CDK7: variants seen among roughly 807,000 people sequenced by gnomAD.
The protein encoded by CDK7 is cyclin dependent kinase 7, also known as cyclin-dependent kinase 7.
In CDK7, 25 loss-of-function variants were observed where a neutral mutation model predicts 49.1. The observed-to-expected ratio is 0.51, with a 90% CI of 0.37 to 0.71. CDK7 has a LOEUF of 0.71. CDK7 is among the 30% of genes least tolerant of loss of function. The probability of loss-of-function intolerance (pLI) is 0.00; values close to 1 mark genes in which losing one functional copy is unlikely to be tolerated. For synonymous variants in CDK7, 107 were observed against 140.0 expected (o/e 0.76, Z 1.67); for missense variants, 316 against 411.7 (o/e 0.77, Z 2.01).
intron 8 of CDK7, among the ~76,000 whole-genome samples, chr5:69,268,776 C>A (rs909902421): frequency 2.8e-5 from 4 of 141,368 alleles, no homozygotes; most frequent in Non-Finnish European, 6.1e-5. Flanking sequence ...TGACCTGAAC[C>A]CAGGAGGCGG....
At chr5:69,256,991 T>C (rs1750533824) in intron 5 of CDK7, among the ~76,000 whole-genome samples, 1 of 152,194 alleles carries the variant, frequency 6.6e-6, no homozygotes, top group Non-Finnish European at 1.5e-5. Context: ...ACTGAAATAC[T>C]ACTCAGGAAT....
At chr5:69,276,975 A>C (rs1161046297) in intron 11 of CDK7, 132 bp from the exon 12 acceptor site, 5 of 761,508 alleles carry the variant, frequency 6.6e-6, no homozygotes, top group East Asian at 2.6e-5. Context: ...AATGTTTAAC[A>C]AGTGCTACTG....
intron 2 of CDK7, among the ~76,000 whole-genome samples, chr5:69,241,541 G>C (rs938183208): frequency 6.6e-6 from 1 of 151,744 alleles, no homozygotes; most frequent in Non-Finnish European, 1.5e-5. Flanking sequence ...GGCCAGGCTG[G>C]TCTCGAACTC....
chr5:69,258,234 T>C, intron 6 of CDK7, 81 bp downstream of exon 6: 2 of 618,222 alleles, frequency 3.2e-6, no homozygotes, highest in South Asian at 4.2e-5. Flanking sequence ...AATATGTAAA[T>C]TGTTTAACAA....
chr5:69,238,732 C>T (rs1749175897), intron 2 of CDK7, among the ~76,000 whole-genome samples: 1 of 151,176 alleles, frequency 6.6e-6, no homozygotes, highest in Non-Finnish European at 1.5e-5. Context: ...TCTCGGCTCA[C>T]TGCAACCTCC....
chr5:69,245,995 G>A lies in CDK7; in HGVS notation c.127-6423G>A, dbSNP rs144409610. 1.1e-4 allele frequency among the ~76,000 whole-genome samples: 17 copies of A among 152,124 alleles called. No homozygotes were observed. In the East Asian group the frequency reaches 3.3e-3, roughly 29 times the overall value. On this transcript the variant is annotated intron_variant, in intron 2 of 11. Transcript: ENST00000256443. ...TTTTTAGTGGTCAGGGTTTTTATTG[G>A]GACTGGTCATGCAGGCATTTTCTGC...
rs1023141161 is a variant in CDK7 at position 69,275,590 on chromosome 5, C to T, written c.865-953C>T. Among the ~76,000 whole-genome samples, 12 of 152,222 alleles carry T rather than the reference C, an allele frequency of 7.9e-5. No individual in the cohort carries two copies. The East Asian group carries it at 1.9e-3, about 24-fold the overall frequency. On this transcript the variant is annotated intron_variant, in intron 10 of 11. Transcript: ENST00000256443. Reference sequence around the variant, plus strand: ...AGCTTTTTGAATGATGACGTGATGCCACAAGTGGAAAATTCTACACATAAG... The same window carrying T: ...AGCTTTTTGAATGATGACGTGATGCTACAAGTGGAAAATTCTACACATAAG...
intron 2 of CDK7, 93 bp from the exon 3 acceptor site, chr5:69,252,325 G>T: frequency 2.6e-6 from 2 of 774,514 alleles, no homozygotes; most frequent in Non-Finnish European, 2.2e-6. Flanking sequence ...TTTTTTCTGT[G>T]GCGAAGTATT....
intron 2 of CDK7, among the ~76,000 whole-genome samples, chr5:69,242,500 A>G (rs1749460570): frequency 6.6e-6 from 1 of 152,208 alleles, no homozygotes; most frequent in East Asian, 1.9e-4. Flanking sequence ...ACGTTTTACA[A>G]TAGTGATGTT....
chr5:69,244,949 T>C (rs2150189894), intron 2 of CDK7, among the ~76,000 whole-genome samples: 1 of 152,330 alleles, frequency 6.6e-6, no homozygotes, highest in South Asian at 2.1e-4. Flanking sequence ...TTATATAGTT[T>C]CTGTCCTTCA....
chr5:69,234,929 C>A lies in CDK7; in HGVS notation c.-47C>A, dbSNP rs963869014. On this transcript the variant is annotated 5_prime_UTR_variant, in exon 1 of 12. Coordinates refer to ENST00000256443, the MANE Select transcript of CDK7 (RefSeq NM_001799.4). Reference sequence around the variant, plus strand: ...TAAGGTAGCTTTAAATTCGTGTTGTCCTGGGAGCTCGCCCTTTTCGGCTGG... The same window carrying A: ...TAAGGTAGCTTTAAATTCGTGTTGTACTGGGAGCTCGCCCTTTTCGGCTGG... The A allele has an allele frequency of 3.2e-6, 5 of 1,549,278 alleles. No homozygotes were observed. The highest frequency in any genetic ancestry group is 4.4e-6 in the Non-Finnish European group (5 of 1,140,748).
At chr5:69,273,942 C>T (rs914824309) in intron 10 of CDK7, among the ~76,000 whole-genome samples, 1 of 152,040 alleles carries the variant, frequency 6.6e-6, no homozygotes, top group African/African-American at 2.4e-5. Flanking sequence ...TAGGTATATG[C>T]TGGGTATTTA....
chr5:69,277,169 A>T lies in CDK7; in HGVS notation c.*34A>T. On this transcript the variant is annotated 3_prime_UTR_variant, in exon 12 of 12. Transcript: ENST00000256443. ...CTGGACAACATTTTACTACTGAGGG[A>T]AATAGCCAAAAAGGCAAATAATGGA... 2.0e-6 allele frequency: 3 copies of T among 1,523,402 alleles called. No homozygotes were observed. Among genetic ancestry groups the T allele is most frequent in the Non-Finnish European group, 2.7e-6 (3 of 1,123,070 alleles). 94.4% of individuals were successfully genotyped at this position (1,523,402 alleles called of 1,614,324 possible).
chr5:69,236,717 T>C (rs1749001937), intron 2 of CDK7, among the ~76,000 whole-genome samples: 1 of 151,878 alleles, frequency 6.6e-6, no homozygotes, highest in Non-Finnish European at 1.5e-5. Context: ...AATTGTGCGA[T>C]TTCGGCTCAC....
intron 2 of CDK7, among the ~76,000 whole-genome samples, chr5:69,246,591 A>G (rs991041126): frequency 4.6e-5 from 7 of 151,740 alleles, no homozygotes; most frequent in Admixed American, 1.3e-4. Flanking sequence ...TTTTTGTTTC[A>G]ATTTCATTTA....
At chr5:69,243,346 C>G (rs1033990298) in intron 2 of CDK7, among the ~76,000 whole-genome samples, 1 of 152,194 alleles carries the variant, frequency 6.6e-6, no homozygotes, top group African/African-American at 2.4e-5. Context: ...TAAGTCTGTA[C>G]AGCAAACCTA....
intron 2 of CDK7, chr5:69,250,754 C>G: frequency 2.2e-6 from 1 of 456,676 alleles, no homozygotes; most frequent in South Asian, 1.5e-5. Context: ...GGAGTCTCTG[C>G]TGGTAGCCAC....
At chr5:69,271,890 C>A (rs931743712) in intron 9 of CDK7, among the ~76,000 whole-genome samples, 2 of 150,070 alleles carry the variant, frequency 1.3e-5, no homozygotes, top group African/African-American at 2.4e-5. Flanking sequence ...TAGAGTTTAC[C>A]TTTATATGAT....
At position 69,235,412 on chromosome 5, in the gene CDK7, G is replaced by A. The variant is rs751443015; in HGVS notation, c.85G>A (p.Ala29Thr). The change falls in exon 2 of 12, where the codon GCC becomes ACC. Residue 29 changes from alanine to threonine, a missense_variant. Coordinates refer to ENST00000256443, the MANE Select transcript of CDK7 (RefSeq NM_001799.4). ...GEGQFATVYKARDKNTNQIVA... is the reference protein window; with the variant it reads ...GEGQFATVYKTRDKNTNQIVA... Reference sequence around the variant, plus strand: ...TTTCTAGTTTGCCACCGTTTACAAGGCCAGAGATAAGAACACCAACCAAAT... The same window carrying A: ...TTTCTAGTTTGCCACCGTTTACAAGACCAGAGATAAGAACACCAACCAAAT... The A allele has an allele frequency of 1.2e-6, 2 of 1,604,616 alleles. No homozygotes were observed. The highest frequency in any genetic ancestry group is 1.7e-5 in the Admixed American group (1 of 59,994).
Sources: gnomAD v4.1 joint callset for allele counts (sites outside exome capture counted in the v4.1 genomes callset) on GRCh38, gnomAD v4.1.1 for gene constraint, MANE v1.5 for transcripts, NCBI Gene and HGNC (gene_info 2026-07-23, HGNC 2026-07-21) for gene names.